Variants in LYN observed in about 807,000 individuals in gnomAD.
LYN encodes the protein LYN proto-oncogene, Src family tyrosine kinase.
A neutral mutation model predicts 65.0 loss-of-function variants in LYN; 12 were observed. That is an observed-to-expected ratio of 0.18 (90% CI 0.12 to 0.30). The LOEUF (loss-of-function observed/expected upper bound fraction) is 0.30, where lower values mean the gene tolerates loss of function less well. LYN is among the 10% of genes least tolerant of loss of function. LYN has a pLI of 1.00. For missense variants in LYN, 380 were observed against 623.2 expected (o/e 0.61, Z 4.16); for synonymous variants, 222 against 221.2 (o/e 1.00, Z -0.03).
chr8:55,935,976 C>A (rs1806423374), intron 1 of LYN, among the ~76,000 whole-genome samples: 1 of 152,084 alleles, frequency 6.6e-6, no homozygotes, highest in Admixed American at 6.6e-5. Context: ...GCATTCAACT[C>A]TTCTGAAGAC....
At chr8:55,946,645 A>G (rs1806787067) in intron 3 of LYN, 152 bp downstream of exon 3, 1 of 620,490 alleles carries the variant, frequency 1.6e-6, no homozygotes. Flanking sequence ...TATACATTTC[A>G]GCAGCATTAG....
intron 1 of LYN, among the ~76,000 whole-genome samples, chr8:55,921,780 G>A (rs568505449): frequency 6.6e-6 from 1 of 152,142 alleles, no homozygotes; most frequent in Admixed American, 6.5e-5. Flanking sequence ...GTTGGCAGGA[G>A]TGTTGATAGC....
chr8:55,977,674 A>T (rs1333563578), intron 10 of LYN, among the ~76,000 whole-genome samples: 2 of 149,370 alleles, frequency 1.3e-5, no homozygotes, highest in Non-Finnish European at 3.0e-5. Flanking sequence ...GCTCTTTGGG[A>T]GGCTGAAGTG....
intron 1 of LYN, among the ~76,000 whole-genome samples, chr8:55,891,234 C>T (rs532407732): frequency 6.6e-6 from 1 of 151,860 alleles, no homozygotes; most frequent in African/African-American, 2.4e-5. Flanking sequence ...TGCCTGTAAT[C>T]CTGGCTACTT....
At chr8:55,942,443 G>GTGTA (rs1554579363) in intron 2 of LYN, among the ~76,000 whole-genome samples, 17 of 140,278 alleles carry the variant, frequency 1.2e-4, no homozygotes, top group African/African-American at 4.3e-4. Context: ...GTGTGTGTGT[G>GTGTA]TATATATATA....
At chr8:55,981,085 A>G (rs776381414) in intron 10 of LYN, among the ~76,000 whole-genome samples, 1 of 151,798 alleles carries the variant, frequency 6.6e-6, no homozygotes, top group Non-Finnish European at 1.5e-5. Flanking sequence ...CATGTGACTG[A>G]TTCCTCAGCA....
intron 1 of LYN, among the ~76,000 whole-genome samples, chr8:55,940,051 G>A (rs1210429576): frequency 6.6e-6 from 1 of 152,164 alleles, no homozygotes; most frequent in Non-Finnish European, 1.5e-5. Context: ...AGGAAAAAAC[G>A]CAGGCCTGGA....
chr8:56,008,124 A>AAAAATAAAATAAAAT lies in LYN; in HGVS notation c.1337-1767_1337-1753dup, dbSNP rs1000414913. ...AAAGAGGGAGACTCTGCCTCAAAAA[A>AAAAATAAAATAAAAT]AAAATAAAATAAAATAAAATAAAAT... On this transcript the variant is annotated intron_variant, in intron 12 of 12. Transcript: ENST00000519728. Among the ~76,000 whole-genome samples the AAAAATAAAATAAAAT allele has an allele frequency of 3.3e-3, 283 of 86,716 alleles. 3 individuals carry two copies. The highest frequency in any genetic ancestry group is 0.011 in the African/African-American group (264 of 24,554). 56.9% of individuals were successfully genotyped at this position (86,716 alleles called of 152,430 possible). A position where few individuals can be genotyped will look rare whatever the true frequency, so the allele number is the denominator to read the frequency against.
chr8:55,995,864 T>C lies in LYN; in HGVS notation c.1051-2482T>C, dbSNP rs576928366. Among the ~76,000 whole-genome samples the C allele has an allele frequency of 5.3e-5, 8 of 152,326 alleles. No individual in the cohort carries two copies. The South Asian group carries it at 1.7e-3, about 32-fold the overall frequency. On this transcript the variant is annotated intron_variant, in intron 10 of 12. Coordinates refer to ENST00000519728, the MANE Select transcript of LYN (RefSeq NM_002350.4). ...TCCACTCGGAAGTGAAATACTGGAC[T>C]GAATAGTCTTTGAGACTGATGTAGG...
intron 8 of LYN, among the ~76,000 whole-genome samples, chr8:55,958,481 G>A (rs989352584): frequency 2.0e-5 from 3 of 152,248 alleles, no homozygotes; most frequent in Non-Finnish European, 2.9e-5. Context: ...TTAAATACAC[G>A]TGACATAAAA....
chr8:55,888,131 T>C (rs1361747454), intron 1 of LYN, among the ~76,000 whole-genome samples: 1 of 152,224 alleles, frequency 6.6e-6, no homozygotes, highest in Non-Finnish European at 1.5e-5. Flanking sequence ...ATGTTTAGTA[T>C]TCAGTTTAGC....
Position 55,942,083 on chromosome 8 carries a change from A to T in LYN, c.132+92A>T, listed in dbSNP as rs539560793. ...CCAGTCTGTAATATGTGCATGCAAA[A>T]AAATTCCATTGATTACTTGGTCCTC... On this transcript the variant is annotated intron_variant, in intron 2 of 12. Coordinates refer to ENST00000519728, the MANE Select transcript of LYN (RefSeq NM_002350.4). 80 of 1,319,780 alleles carry T rather than the reference A, an allele frequency of 6.1e-5. 1 individual carries two copies. In the South Asian group the frequency reaches 9.8e-4, roughly 16 times the overall value. The allele number at this position is 1,319,780 out of a possible 1,614,324, so 81.8% of individuals were successfully genotyped here.
chr8:55,925,997 A>G (rs1011396546), intron 1 of LYN, among the ~76,000 whole-genome samples: 3 of 152,204 alleles, frequency 2.0e-5, no homozygotes, highest in African/African-American at 7.2e-5. Flanking sequence ...AAAACTTTTT[A>G]TCTTGTTTTA....
chr8:55,911,486 G>C (rs7005346), intron 1 of LYN, among the ~76,000 whole-genome samples: 135,846 of 150,768 alleles, frequency 0.9, 61,297 homozygotes, highest in East Asian at 0.98. Context: ...GGAATTGCGT[G>C]AACCATCTCT....
chr8:55,982,049 C>T (rs1807942349), intron 10 of LYN, among the ~76,000 whole-genome samples: 1 of 152,102 alleles, frequency 6.6e-6, no homozygotes, highest in Non-Finnish European at 1.5e-5. Flanking sequence ...TGAACAGAGC[C>T]CTTTCTCAGC....
At chr8:55,995,935 C>T (rs1306598499) in intron 10 of LYN, among the ~76,000 whole-genome samples, 1 of 152,194 alleles carries the variant, frequency 6.6e-6, no homozygotes, top group African/African-American at 2.4e-5. Flanking sequence ...ATGAGAATAT[C>T]ATCTGCCAAA....
At position 56,011,016 on chromosome 8, in the gene LYN, A is replaced by G. The variant is rs868120424; in HGVS notation, c.*906A>G. 1.8e-4 allele frequency: 41 copies of G among 232,406 alleles called. No individual in the cohort carries two copies. Among genetic ancestry groups the G allele is most frequent in the African/African-American group, 8.8e-4 (40 of 45,326 alleles). 14.4% of individuals were successfully genotyped at this position (232,406 alleles called of 1,614,324 possible). On this transcript the variant is annotated 3_prime_UTR_variant, in exon 13 of 13. Coordinates refer to ENST00000519728, the MANE Select transcript of LYN (RefSeq NM_002350.4). ...AACCTTATAGGGCCTTCTAAAACAT[A>G]AGAGTTTCCTTTGTTGCTTCAAATA...
At chr8:55,932,218 A>G (rs1468502252) in intron 1 of LYN, among the ~76,000 whole-genome samples, 1 of 152,214 alleles carries the variant, frequency 6.6e-6, no homozygotes, top group East Asian at 1.9e-4. Context: ...TTTAAAAATT[A>G]AAATTCTAAA....
chr8:56,008,920 CA>C (rs1808744451), intron 12 of LYN, among the ~76,000 whole-genome samples: 1 of 152,192 alleles, frequency 6.6e-6, no homozygotes, highest in Non-Finnish European at 1.5e-5. Flanking sequence ...GTGACATCCA[CA>C]AGATATGTAG....
Sources: gnomAD v4.1 joint callset for allele counts (sites outside exome capture counted in the v4.1 genomes callset) on GRCh38, gnomAD v4.1.1 for gene constraint, MANE v1.5 for transcripts, NCBI Gene and HGNC (gene_info 2026-07-23, HGNC 2026-07-21) for gene names.